The following DCUN1D1 variants were observed in gnomAD, a reference collection of about 807,000 sequenced individuals.
DCUN1D1 encodes the protein defective in cullin neddylation 1 domain containing 1.
DCUN1D1 carries 3 observed loss-of-function variants against 39.0 expected under a neutral mutation model. The ratio of observed to expected loss-of-function variants is 0.08; its 90% confidence interval spans 0.04 to 0.20. The LOEUF (loss-of-function observed/expected upper bound fraction) is 0.20. Ranked by LOEUF, DCUN1D1 falls within the 10% of genes least tolerant of loss-of-function variation. The pLI is 1.00. For synonymous variants in DCUN1D1, 82 were observed against 96.3 expected, an observed-to-expected ratio of 0.85 and a Z score of 0.87; for missense variants, 158 against 302.4, an observed-to-expected ratio of 0.52 and a Z score of 3.54.
chr3:182,964,629 A>G (rs973997533), intron 2 of DCUN1D1, among the ~76,000 whole-genome samples: 6 of 137,696 alleles, frequency 4.4e-5, no homozygotes, highest in African/African-American at 1.6e-4. Context: ...ATTTACTAAC[A>G]CCTTTCTTTT....
In DCUN1D1 at chr3:182,978,761, A is replaced by G. The variant is rs557656291; in HGVS notation, c.3+1726T>C. On this transcript the variant is annotated intron_variant, in intron 1 of 6. Coordinates refer to ENST00000292782, the MANE Select transcript of DCUN1D1 (RefSeq NM_020640.4). The stretch of plus-strand genomic sequence containing the variant: ...CAGCCACAGGATATGTTTTAAATTA[A>G]TATCTTGTCACCACTGGTAGAATTA... Among the ~76,000 whole-genome samples the G allele has an allele frequency of 1.2e-4, 19 of 152,320 alleles. No individual in the cohort carries two copies. The South Asian group carries it at 3.5e-3, about 28-fold the overall frequency.
intron 1 of DCUN1D1, among the ~76,000 whole-genome samples, chr3:182,975,902 G>A (rs537648379): frequency 1.3e-5 from 2 of 150,490 alleles, no homozygotes; most frequent in Admixed American, 6.6e-5. Flanking sequence ...TTTCAGAAGT[G>A]GGAGTGGAGA....
intron 4 of DCUN1D1, among the ~76,000 whole-genome samples, chr3:182,955,048 T>C (rs1726960871): frequency 6.6e-6 from 1 of 152,168 alleles, no homozygotes; most frequent in South Asian, 2.1e-4. Context: ...ATTGACTTTT[T>C]TTTTTTTTTG....
chr3:182,981,123 C>T (rs182597452), upstream of DCUN1D1, among the ~76,000 whole-genome samples: 2 of 152,188 alleles, frequency 1.3e-5, no homozygotes, highest in East Asian at 1.9e-4. Flanking sequence ...TAGTCCCCCC[C>T]CTGCGGTGGC....
rs1217408345 is a variant in DCUN1D1, at chr3:182,980,506, C to A, written c.-17G>T. On this transcript the variant is annotated 5_prime_UTR_variant, in exon 1 of 7. Transcript: ENST00000292782. ...CCTCACCATGTTGGTGTCCTCCAGG[C>A]CTCTCCCCTCCTCCTCCGGCTCCGC... is the stretch of plus-strand genomic sequence containing the variant. The A allele has an allele frequency of 3.2e-6, 4 of 1,239,616 alleles. No individual in the cohort carries two copies. The highest frequency in any genetic ancestry group is 4.1e-6 in the Non-Finnish European group (4 of 971,880). 76.8% of individuals were successfully genotyped at this position (1,239,616 alleles called of 1,614,324 possible). A position where few individuals can be genotyped will look rare whatever the true frequency, so the allele number is the denominator to read the frequency against.
intron 4 of DCUN1D1, among the ~76,000 whole-genome samples, chr3:182,951,521 C>A (rs1441448007): frequency 7.1e-6 from 1 of 141,116 alleles, no homozygotes; most frequent in Non-Finnish European, 1.5e-5. Context: ...GAGGTTGAGG[C>A]AGGAAGAGTG....
upstream of DCUN1D1, among the ~76,000 whole-genome samples, chr3:182,984,144 G>T (rs543783769): frequency 6.6e-6 from 1 of 152,302 alleles, no homozygotes; most frequent in South Asian, 2.1e-4. Flanking sequence ...TTAAGACAGT[G>T]CCTATATTGT....
Position 182,979,851 on chromosome 3 carries a change from C to T in DCUN1D1, c.3+636G>A, listed in dbSNP as rs559004567. Among the ~76,000 whole-genome samples, 73 of 152,240 alleles carry T rather than the reference C, an allele frequency of 4.8e-4. No homozygotes were observed. In the South Asian group the frequency reaches 0.014, roughly 29 times the overall value. ...GTAGAGAGGTAAATATAACCTCCAC[C>T]AACTGGCCGGGGAAACTCTCCTTCT... On this transcript the variant is annotated intron_variant, in intron 1 of 6. Coordinates refer to ENST00000292782, the MANE Select transcript of DCUN1D1 (RefSeq NM_020640.4).
chr3:182,951,310 G>A (rs1438865118), intron 4 of DCUN1D1, among the ~76,000 whole-genome samples: 1 of 152,064 alleles, frequency 6.6e-6, no homozygotes, highest in Non-Finnish European at 1.5e-5. Flanking sequence ...AAATAAGGAT[G>A]ATGATGAAAT....
chr3:182,983,442 G>A (rs545183475), upstream of DCUN1D1, among the ~76,000 whole-genome samples: 89 of 152,320 alleles, frequency 5.8e-4, no homozygotes, highest in African/African-American at 2.1e-3. Context: ...TAGGCCAGGC[G>A]CAGTGGCTCA....
At chr3:182,959,992 G>A (rs1727301223) in intron 4 of DCUN1D1, among the ~76,000 whole-genome samples, 1 of 152,128 alleles carries the variant, frequency 6.6e-6, no homozygotes, top group Non-Finnish European at 1.5e-5. Flanking sequence ...TGTCTGCCAC[G>A]TGATGATGCA....
chr3:182,969,443 G>A (rs1246300061), intron 1 of DCUN1D1, among the ~76,000 whole-genome samples: 1 of 152,158 alleles, frequency 6.6e-6, no homozygotes, highest in Non-Finnish European at 1.5e-5. Context: ...TGAGGTGGAA[G>A]AAAAAACAGA....
At chr3:182,953,412 C>A (rs1726856150) in intron 4 of DCUN1D1, among the ~76,000 whole-genome samples, 1 of 152,112 alleles carries the variant, frequency 6.6e-6, no homozygotes, top group Non-Finnish European at 1.5e-5. Context: ...GCTTAGCTAG[C>A]GAGAGGTGAT....
Position 182,965,684 on chromosome 3 carries a change from T to C in DCUN1D1, c.73A>G (p.Thr25Ala). The C allele has an allele frequency of 6.2e-7, 1 of 1,613,830 alleles. No homozygotes were observed. The highest frequency in any genetic ancestry group is 8.5e-7 in the Non-Finnish European group (1 of 1,179,868). ...FMIFTQSSEK[T>A]AVSCLSQNDW... is the part of the protein sequence containing the mutation. ...TTTTGAGAAAGACAACTTACTGCTG[T>C]TTTTTCACTAGATTGTGTGAAGATC... Residue 25 changes from threonine to alanine, a missense_variant, in exon 2 of 7, where the codon ACA (threonine) becomes GCA (alanine). This residue lies in a region of DCUN1D1 where 12 missense variants were observed against 53.3 expected (regional missense o/e 0.22). Transcript: ENST00000292782.
At chr3:182,975,277 C>T (rs567859389) in intron 1 of DCUN1D1, among the ~76,000 whole-genome samples, 6 of 151,402 alleles carry the variant, frequency 4.0e-5, no homozygotes, top group South Asian at 4.2e-4. Context: ...CCTGGGTTCA[C>T]GCCAGTCTCC....
intron 1 of DCUN1D1, among the ~76,000 whole-genome samples, chr3:182,969,042 G>A (rs945769957): frequency 2.6e-5 from 4 of 152,118 alleles, no homozygotes; most frequent in East Asian, 1.9e-4. Context: ...CTGACAGTAC[G>A]GACTCCAGCT....
intron 4 of DCUN1D1, among the ~76,000 whole-genome samples, chr3:182,951,617 C>CAAAAAAA (rs748698621): frequency 6.8e-5 from 3 of 44,382 alleles, no homozygotes; most frequent in African/African-American, 8.1e-5. Context: ...CCCTGTCTCC[C>CAAAAAAA]AAAAAAAAAA....
At chr3:182,975,471 C>A (rs1032572672) in intron 1 of DCUN1D1, among the ~76,000 whole-genome samples, 1 of 151,868 alleles carries the variant, frequency 6.6e-6, no homozygotes, top group East Asian at 1.9e-4. Context: ...CCACCGCGCC[C>A]AGCCAAAAAT....
intron 1 of DCUN1D1, among the ~76,000 whole-genome samples, chr3:182,971,685 G>A (rs1476058777): frequency 6.6e-6 from 1 of 152,100 alleles, no homozygotes; most frequent in Non-Finnish European, 1.5e-5. Context: ...GCCAGGCACT[G>A]TGCTAGGTAC....
Sources: gnomAD v4.1 joint callset for allele counts (sites outside exome capture counted in the v4.1 genomes callset) on GRCh38, gnomAD v4.1.1 for gene constraint, gnomAD v4.1.1 regional missense constraint, MANE v1.5 for transcripts, NCBI Gene and HGNC (gene_info 2026-07-23, HGNC 2026-07-21) for gene names.